The following PRLR variants were observed in gnomAD, a reference collection of about 807,000 sequenced individuals.
The protein encoded by PRLR is prolactin receptor.
PRLR carries 13 observed loss-of-function variants against 40.2 expected under a neutral mutation model. The ratio of observed to expected loss-of-function variants is 0.32; its 90% confidence interval spans 0.21 to 0.51. PRLR has a LOEUF of 0.51. Among genes scored for constraint, PRLR ranks in the 20% least tolerant of loss-of-function variants. PRLR has a pLI of 0.97. For synonymous variants in PRLR, 269 were observed against 278.7 expected (o/e 0.97, Z 0.35); for missense variants, 656 against 747.3 (o/e 0.88, Z 1.42).
chr5:35,221,638 G>A lies in PRLR; in HGVS notation c.-106+8630C>T, dbSNP rs373677724. ...ATGCACATTATAAACCTGGAGAACT[G>A]TAAATAAATACGAATGTCCAGGCCC... On this transcript the variant is annotated intron_variant, in intron 1 of 9. Transcript: ENST00000618457. Among the ~76,000 whole-genome samples the A allele has an allele frequency of 3.9e-4, 59 of 152,248 alleles. 3 individuals are homozygous for A. The highest frequency in any genetic ancestry group is 1.3e-3 in the African/African-American group (54 of 41,562).
Position 35,058,251 on chromosome 5 carries a change from TAGC to T in PRLR, c.*6835_*6837del, listed in dbSNP as rs1768829656. 3 of 152,320 alleles carry T rather than the reference TAGC, an allele frequency of 2.0e-5. No homozygotes were observed. The South Asian group carries it at 6.2e-4, about 32-fold the overall frequency. The allele number at this position is 152,320 out of a possible 1,614,324, so 9.4% of individuals were successfully genotyped here. On this transcript the variant is annotated 3_prime_UTR_variant, in exon 10 of 10. Transcript: ENST00000618457. ...GAAAGAGGAAAAGCAGAGGTAGTGG[TAGC>T]TTTGAAAATGTGGAACCTTATGCTA...
At chr5:35,173,222 C>T (rs965305489) in intron 1 of PRLR, among the ~76,000 whole-genome samples, 1 of 152,214 alleles carries the variant, frequency 6.6e-6, no homozygotes, top group South Asian at 2.1e-4. Flanking sequence ...TCCATGGACA[C>T]CCACATACAT....
intron 1 of PRLR, among the ~76,000 whole-genome samples, chr5:35,225,847 A>G (rs1776533016): frequency 6.6e-6 from 1 of 151,980 alleles, no homozygotes; most frequent in Non-Finnish European, 1.5e-5. Flanking sequence ...ATGCCTGCCT[A>G]ATTTTTGCAT....
intron 1 of PRLR, among the ~76,000 whole-genome samples, chr5:35,130,658 T>C (rs1026855881): frequency 4.6e-5 from 7 of 152,240 alleles, no homozygotes; most frequent in East Asian, 1.9e-4. Context: ...CTTCTCATAA[T>C]GTCATTTGTT....
At chr5:35,206,321 T>C (rs969319218) in intron 1 of PRLR, among the ~76,000 whole-genome samples, 12 of 151,890 alleles carry the variant, frequency 7.9e-5, no homozygotes, top group African/African-American at 2.9e-4. Flanking sequence ...TCTTAAGATA[T>C]TAAAATTAAA....
At chr5:35,148,206 T>G (rs1368677846) in intron 1 of PRLR, among the ~76,000 whole-genome samples, 1 of 152,202 alleles carries the variant, frequency 6.6e-6, no homozygotes, top group Non-Finnish European at 1.5e-5. Context: ...TCTAGAAAAC[T>G]GCTTCAATCT....
At chr5:35,118,978 T>C (rs371016110) in intron 1 of PRLR, among the ~76,000 whole-genome samples, 23 of 152,210 alleles carry the variant, frequency 1.5e-4, no homozygotes, top group African/African-American at 5.5e-4. Flanking sequence ...GTATTTTTAG[T>C]AGAGATGGGG....
At chr5:35,089,034 C>G (rs1291444388) in intron 3 of PRLR, among the ~76,000 whole-genome samples, 1 of 152,154 alleles carries the variant, frequency 6.6e-6, no homozygotes, top group African/African-American at 2.4e-5. Context: ...TCACAGGCAC[C>G]CACCCTCTCA....
chr5:35,205,091 C>T (rs918115958), intron 1 of PRLR, among the ~76,000 whole-genome samples: 6 of 151,980 alleles, frequency 3.9e-5, no homozygotes, highest in African/African-American at 1.5e-4. Flanking sequence ...GTTATTTATT[C>T]ATACTAACTT....
intron 2 of PRLR, among the ~76,000 whole-genome samples, chr5:35,113,252 C>T (rs1295146931): frequency 7.0e-6 from 1 of 143,526 alleles, no homozygotes; most frequent in Non-Finnish European, 1.5e-5. Context: ...CAACCACCCA[C>T]CCATTTATCC....
At position 35,065,066 on chromosome 5, in the gene PRLR, C is replaced by G. The variant is rs758767371; in HGVS notation, c.*23G>C. 5.0e-6 allele frequency: 8 copies of G among 1,590,456 alleles called. No individual in the cohort carries two copies. The highest frequency in any genetic ancestry group is 1.3e-5 in the African/African-American group (1 of 74,332). On this transcript the variant is annotated 3_prime_UTR_variant, in exon 10 of 10. Coordinates refer to ENST00000618457, the MANE Select transcript of PRLR (RefSeq NM_000949.7). ...ACCTGAAGAAAAATCACATTTTAACCAATCATTCCATTAGTCAAGCTATCA... is the reference window on the plus strand; with the variant it reads ...ACCTGAAGAAAAATCACATTTTAACGAATCATTCCATTAGTCAAGCTATCA...
At chr5:35,160,954 C>T (rs749432876) in intron 1 of PRLR, among the ~76,000 whole-genome samples, 5 of 152,300 alleles carry the variant, frequency 3.3e-5, no homozygotes, top group East Asian at 1.9e-4. Flanking sequence ...ATGGCGTGGC[C>T]GGCCTTGTGT....
intron 1 of PRLR, among the ~76,000 whole-genome samples, chr5:35,143,952 AT>A (rs1774099340): frequency 6.6e-6 from 1 of 151,856 alleles, no homozygotes; most frequent in East Asian, 1.9e-4. Flanking sequence ...CCCGATCATA[AT>A]TTTTTTCCAG....
intron 1 of PRLR, among the ~76,000 whole-genome samples, chr5:35,201,263 A>G (rs1775877246): frequency 6.6e-6 from 1 of 152,132 alleles, no homozygotes; most frequent in Non-Finnish European, 1.5e-5. Context: ...TGAAATTCCA[A>G]CAAATATTGA....
chr5:35,053,670 AG>A (rs1768584380), downstream of PRLR, among the ~76,000 whole-genome samples: 1 of 152,232 alleles, frequency 6.6e-6, no homozygotes, highest in South Asian at 2.1e-4. Flanking sequence ...GTTTTATTGA[AG>A]CCCAATGTAA....
At chr5:35,189,043 A>G (rs1775525030) in intron 1 of PRLR, among the ~76,000 whole-genome samples, 1 of 152,158 alleles carries the variant, frequency 6.6e-6, no homozygotes, top group Non-Finnish European at 1.5e-5. Context: ...CCCTATTTCA[A>G]TATGATTGGT....
At chr5:35,083,098 C>T (rs1308598082) in intron 5 of PRLR, among the ~76,000 whole-genome samples, 2 of 149,478 alleles carry the variant, frequency 1.3e-5, no homozygotes, top group African/African-American at 5.0e-5. Flanking sequence ...CACACACACA[C>T]ACACCACACT....
At chr5:35,125,952 A>G (rs1773446769) in intron 1 of PRLR, among the ~76,000 whole-genome samples, 1 of 152,134 alleles carries the variant, frequency 6.6e-6, no homozygotes, top group Non-Finnish European at 1.5e-5. Flanking sequence ...AACACAGCAA[A>G]TGACCCTTAC....
rs533419021 is a variant in PRLR at position 35,158,799 on chromosome 5, G to A, written c.-105-40677C>T. 1.9e-4 allele frequency among the ~76,000 whole-genome samples: 29 copies of A among 152,226 alleles called. No homozygotes were observed. The South Asian group carries it at 2.1e-3, about 11-fold the overall frequency. On this transcript the variant is annotated intron_variant, in intron 1 of 9. Transcript: ENST00000618457. ...TAGGAGCCTGGAAAGGCTGGAGCCC[G>A]TCTTTCATTCCACATGGAGAAAGCT...
Sources: allele counts gnomAD v4.1 joint callset (sites outside exome capture counted in the v4.1 genomes callset), GRCh38; gene constraint gnomAD v4.1.1; transcripts MANE v1.5; gene names NCBI Gene and HGNC (gene_info 2026-07-23, HGNC 2026-07-21).